Variants in DIPK1B observed in about 807,000 individuals in gnomAD.
DIPK1B encodes family with sequence similarity 69 member B.
In DIPK1B, 17 loss-of-function variants were observed where a neutral mutation model predicts 20.7. That is an observed-to-expected ratio of 0.82 (90% confidence interval 0.56 to 1.23). The LOEUF is 1.23. Among genes scored for constraint, DIPK1B ranks in the 50% most tolerant of loss-of-function variants. DIPK1B has a pLI of 0.00. For missense variants in DIPK1B, 648 were observed against 601.8 expected (o/e 1.08, Z -0.80); for synonymous variants, 343 against 276.5 (o/e 1.24, Z -2.39).
Position 136,722,228 on chromosome 9 carries a change from T to C in DIPK1B, c.410T>C (p.Leu137Pro). 6.2e-7 allele frequency: 1 copy of C among 1,613,838 alleles called. No homozygotes were observed. The highest frequency in any genetic ancestry group is 8.5e-7 in the Non-Finnish European group (1 of 1,179,968). ...ARSDAAPRRE[L>P]VLFDKPTRGT... ...TCGGATGCGGCCCCCCGGCGGGAGC[T>C]GGTACTGTTTGACAAGCCCACCCGG... Residue 137 changes from leucine to proline, a missense_variant, in exon 4 of 5, where the codon CTG becomes CCG. Physicochemically the swap from Leu to Pro is moderately conservative, Grantham distance 98 (BLOSUM62 -3). Transcript: ENST00000371692.
intron 2 of DIPK1B, among the ~76,000 whole-genome samples, chr9:136,719,759 C>T (rs945978576): frequency 6.6e-6 from 1 of 152,244 alleles, no homozygotes; most frequent in Non-Finnish European, 1.5e-5. Context: ...CAGCCCCAGC[C>T]CCAGCCTGGC....
chr9:136,712,678 C>G lies in DIPK1B; in HGVS notation c.13C>G (p.Arg5Gly). The change falls in exon 1 of 5, where the codon CGG (arginine) becomes GGG (glycine). Residue 5 changes from arginine (R) to glycine (G), a missense_variant. By Grantham distance (125) the Arg-to-Gly change is moderately radical. Coordinates refer to ENST00000371692, the MANE Select transcript of DIPK1B (RefSeq NM_152421.4). The surrounding 1 kb of genome is among the most constrained non-coding windows in gnomAD (Gnocchi z 5.6). Reference protein sequence around the residue: MRRLRRLAHLVLFCP... With the variant: MRRLGRLAHLVLFCP... ...GCCGGAGCCCACCATGCGGCGGCTGCGGCGCCTGGCGCACCTGGTGCTCTT... is the reference window on the plus strand; with the variant it reads ...GCCGGAGCCCACCATGCGGCGGCTGGGGCGCCTGGCGCACCTGGTGCTCTT... 7.6e-7 allele frequency: 1 copy of G among 1,308,888 alleles called. No homozygotes were observed. The highest frequency in any genetic ancestry group is 2.0e-5 in the South Asian group (1 of 49,202). 81.1% of individuals were successfully genotyped at this position (1,308,888 alleles called of 1,614,324 possible).
intron 2 of DIPK1B, among the ~76,000 whole-genome samples, chr9:136,719,234 G>A (rs9411269): frequency 0.55 from 83,103 of 151,848 alleles, 24,020 homozygotes; most frequent in East Asian, 0.73. Flanking sequence ...CAAAGCAGGA[G>A]GAGGTGCCCC....
rs371598449 is a variant in DIPK1B, at chr9:136,720,166, C to T, written c.199-1755C>T. Among the ~76,000 whole-genome samples the T allele has an allele frequency of 1.6e-4, 24 of 152,244 alleles. No individual in the cohort carries two copies. In the East Asian group the frequency reaches 4.0e-3, roughly 26 times the overall value. Reference sequence around the variant, plus strand: ...GGAGTGGACTCCGGTGGCAAAGGGCCTGCCTGCAAGGTGGAGGGTTGGACA... The same window carrying T: ...GGAGTGGACTCCGGTGGCAAAGGGCTTGCCTGCAAGGTGGAGGGTTGGACA... On this transcript the variant is annotated intron_variant, in intron 2 of 4. Transcript: ENST00000371692.
At chr9:136,720,288 G>A (rs574766873) in intron 2 of DIPK1B, among the ~76,000 whole-genome samples, 17 of 152,280 alleles carry the variant, frequency 1.1e-4, no homozygotes, top group Non-Finnish European at 1.9e-4. Context: ...CTCACGTGGC[G>A]GGGTCCTCGG....
intron 2 of DIPK1B, among the ~76,000 whole-genome samples, chr9:136,719,314 C>T (rs376413809): frequency 2.1e-4 from 32 of 152,246 alleles, no homozygotes; most frequent in Middle Eastern, 6.8e-3. Context: ...GGGGGTTTCC[C>T]TGGCTGCTCA....
At position 136,723,754 on chromosome 9, in the gene DIPK1B, TCCAACA is replaced by T. The variant is rs776979508; in HGVS notation, c.1281_1286del (p.Asn427_Thr428del). The T allele has an allele frequency of 1.1e-5, 17 of 1,534,634 alleles. No individual in the cohort carries two copies. Among genetic ancestry groups the T allele is most frequent in the Non-Finnish European group, 1.5e-5 (17 of 1,146,852 alleles). On this transcript the variant is annotated inframe_deletion, in exon 5 of 5. Transcript: ENST00000371692. ...CAAGACTCTGCTCTGGAAGAAGATC[TCCAACA>T]CCAAGTACTCTTGATGGGGCAGTGA... is the stretch of plus-strand genomic sequence containing the variant.
At chr9:136,722,920 C>A (rs1308927715) in intron 4 of DIPK1B, 42 bp from the exon 5 acceptor site, 9 of 1,544,728 alleles carry the variant, frequency 5.8e-6, no homozygotes, top group Non-Finnish European at 7.0e-6. Flanking sequence ...TCCCAGACAT[C>A]AAATCAGCTG....
intron 1 of DIPK1B, among the ~76,000 whole-genome samples, chr9:136,714,493 C>T (rs1846469013): frequency 1.3e-5 from 2 of 152,176 alleles, no homozygotes; most frequent in Admixed American, 1.3e-4. Context: ...AGGCCAGCTG[C>T]AGCCTCCCTC....
chr9:136,722,577 C>G (rs1396604904), intron 4 of DIPK1B: 8 of 570,112 alleles, frequency 1.4e-5, no homozygotes, highest in Non-Finnish European at 2.5e-5. Context: ...GGGCAGGTGC[C>G]CCGAATGGAG....
chr9:136,723,783 T>C lies in DIPK1B; in HGVS notation c.*9T>C, dbSNP rs1283219850. On this transcript the variant is annotated 3_prime_UTR_variant, in exon 5 of 5. Coordinates refer to ENST00000371692, the MANE Select transcript of DIPK1B (RefSeq NM_152421.4). ...ACACCAAGTACTCTTGATGGGGCAGTGAGGGGCCTGGCCACCCTTCCTGGA... is the reference window on the plus strand; with the variant it reads ...ACACCAAGTACTCTTGATGGGGCAGCGAGGGGCCTGGCCACCCTTCCTGGA... The C allele has an allele frequency of 2.0e-6, 3 of 1,532,530 alleles. No individual in the cohort carries two copies. Among genetic ancestry groups the C allele is most frequent in the African/African-American group, 1.4e-5 (1 of 73,070 alleles). The allele number at this position is 1,532,530 out of a possible 1,614,324, so 94.9% of individuals were successfully genotyped here.
chr9:136,715,075 C>A (rs180974524), intron 1 of DIPK1B, among the ~76,000 whole-genome samples: 2 of 152,216 alleles, frequency 1.3e-5, no homozygotes, highest in Non-Finnish European at 2.9e-5. Context: ...CAGGCGCTGC[C>A]GGGAGGAGGA....
At chr9:136,717,198 C>T (rs1469747966) in intron 1 of DIPK1B, among the ~76,000 whole-genome samples, 1 of 151,186 alleles carries the variant, frequency 6.6e-6, no homozygotes, top group Admixed American at 6.6e-5. Flanking sequence ...CACTGCACTC[C>T]AGCCTGGGCT....
At chr9:136,713,825 C>T (rs1219462151) in intron 1 of DIPK1B, among the ~76,000 whole-genome samples, 16 of 152,324 alleles carry the variant, frequency 1.1e-4, no homozygotes, top group East Asian at 1.9e-4. Context: ...CCTCTAGTGG[C>T]GAGGGCCTCA....
At chr9:136,717,485 T>A in intron 1 of DIPK1B, 92 bp from the exon 2 acceptor site, 1 of 1,451,504 alleles carries the variant, frequency 6.9e-7, no homozygotes, top group Non-Finnish European at 9.3e-7. Context: ...CTGGGGTGGA[T>A]CCGGAGGCCC....
rs1564312960 is a variant in DIPK1B at position 136,724,532 on chromosome 9, C to G, written c.*758C>G. 4 of 152,300 alleles carry G rather than the reference C, an allele frequency of 2.6e-5. No individual in the cohort carries two copies. Among genetic ancestry groups the G allele is most frequent in the African/African-American group, 2.4e-5 (1 of 41,456 alleles). The allele number at this position is 152,300 out of a possible 1,614,324, so 9.4% of individuals were successfully genotyped here. On this transcript the variant is annotated 3_prime_UTR_variant, in exon 5 of 5. Transcript: ENST00000371692. ...CAAGGACCCTCGTGGGAAGATCCCA[C>G]CACAGCAACACCTTTCTTCAGGGCG...
chr9:136,718,097 T>TCC (rs1846527655), intron 2 of DIPK1B, among the ~76,000 whole-genome samples: 1 of 148,414 alleles, frequency 6.7e-6, no homozygotes, highest in African/African-American at 2.5e-5. Flanking sequence ...CCTCACTGGA[T>TCC]GGGATAGAGA....
At chr9:136,722,055 C>T in intron 3 of DIPK1B, 27 bp downstream of exon 3, 2 of 1,613,176 alleles carry the variant, frequency 1.2e-6, no homozygotes, top group Non-Finnish European at 1.7e-6. Context: ...GGCGGGTGGG[C>T]CTGGGGCTGA....
chr9:136,723,834 C>T lies in DIPK1B; in HGVS notation c.*60C>T. On this transcript the variant is annotated 3_prime_UTR_variant, in exon 5 of 5. Transcript: ENST00000371692. ...GCTGGCCAGGTGCCAGGGTCCAACC[C>T]TCCCTCAAGGAATCCTGTCAGAAGA... 2.1e-6 allele frequency: 3 copies of T among 1,457,990 alleles called. No homozygotes were observed. Among genetic ancestry groups the T allele is most frequent in the Non-Finnish European group, 2.8e-6 (3 of 1,089,606 alleles). The allele number at this position is 1,457,990 out of a possible 1,614,324, so 90.3% of individuals were successfully genotyped here. A position where few individuals can be genotyped will look rare whatever the true frequency, so the allele number is the denominator to read the frequency against.
Sources: gnomAD v4.1 joint callset for allele counts (sites outside exome capture counted in the v4.1 genomes callset) on GRCh38, gnomAD v4.1.1 for gene constraint, Gnocchi (gnomAD v3.1) non-coding constraint, MANE v1.5 for transcripts, NCBI Gene and HGNC (gene_info 2026-07-23, HGNC 2026-07-21) for gene names.